The following NTRK3 variants were observed in gnomAD, a reference collection of about 807,000 sequenced individuals.
NTRK3 encodes the protein neurotrophic receptor tyrosine kinase 3, also known as NT-3 growth factor receptor.
A neutral mutation model predicts 91.7 loss-of-function variants in NTRK3; 24 were observed. The ratio of observed to expected loss-of-function variants is 0.26; its 90% CI spans 0.19 to 0.37. The LOEUF (loss-of-function observed/expected upper bound fraction) is 0.37. NTRK3 is among the 10% of genes least tolerant of loss of function. The pLI is 1.00. For synonymous variants in NTRK3, 483 were observed against 404.0 expected (o/e 1.20, Z -2.34); for missense variants, 880 against 1,068.9 (o/e 0.82, Z 2.46).
chr15:87,871,993 T>C (rs1170122622), exon 19 of NTRK3: 1 of 221,122 alleles, frequency 4.5e-6, no homozygotes, highest in Non-Finnish European at 9.1e-6. Flanking sequence ...TTATTTGGTA[T>C]GAAAAAAGAA....
chr15:88,128,162 C>T (rs566320392), intron 11 of NTRK3, among the ~76,000 whole-genome samples: 1 of 152,290 alleles, frequency 6.6e-6, no homozygotes, highest in South Asian at 2.1e-4. Context: ...AGTCCATAAA[C>T]AAAACCCCAA....
intron 14 of NTRK3, among the ~76,000 whole-genome samples, chr15:88,030,079 G>A (rs145939652): frequency 6.6e-6 from 1 of 152,280 alleles, no homozygotes; most frequent in East Asian, 1.9e-4. Flanking sequence ...CTTTAAAAGG[G>A]CTACTTTCCC....
intron 13 of NTRK3, among the ~76,000 whole-genome samples, chr15:88,081,191 C>T (rs2048010795): frequency 6.6e-6 from 1 of 152,088 alleles, no homozygotes; most frequent in African/African-American, 2.4e-5. Flanking sequence ...AGATTGAGGC[C>T]TCCATATATG....
intron 5 of NTRK3, among the ~76,000 whole-genome samples, chr15:88,173,931 G>C (rs996241639): frequency 2.6e-5 from 4 of 152,134 alleles, no homozygotes; most frequent in South Asian, 2.1e-4. Flanking sequence ...CTGTAAAATG[G>C]GGACAACAAT....
chr15:87,891,643 G>A (rs900000822), intron 17 of NTRK3, among the ~76,000 whole-genome samples: 2 of 152,002 alleles, frequency 1.3e-5, no homozygotes, highest in Admixed American at 1.3e-4. Flanking sequence ...TTCTGTTCTT[G>A]GGTTTTTTCA....
At chr15:88,163,891 A>G (rs2044692267) in intron 5 of NTRK3, among the ~76,000 whole-genome samples, 1 of 152,180 alleles carries the variant, frequency 6.6e-6, no homozygotes, top group Non-Finnish European at 1.5e-5. Flanking sequence ...AGATCCTACT[A>G]TATGCCGTGC....
At chr15:88,021,364 C>T (rs1175976808) in intron 14 of NTRK3, among the ~76,000 whole-genome samples, 1 of 152,196 alleles carries the variant, frequency 6.6e-6, no homozygotes, top group African/African-American at 2.4e-5. Flanking sequence ...CCCCCAAACC[C>T]CAGAACAGCC....
intron 13 of NTRK3, among the ~76,000 whole-genome samples, chr15:88,059,717 G>T (rs917239478): frequency 2.2e-4 from 33 of 152,128 alleles, no homozygotes; most frequent in African/African-American, 7.7e-4. Flanking sequence ...GGTGTTACAA[G>T]CTAAATTGTG....
chr15:87,937,095 T>A (rs1413678890), intron 15 of NTRK3, among the ~76,000 whole-genome samples: 1 of 152,210 alleles, frequency 6.6e-6, no homozygotes, highest in East Asian at 1.9e-4. Context: ...CTGAGCTGTG[T>A]CTACATGACA....
At chr15:87,901,724 T>C (rs1244471543) in intron 17 of NTRK3, among the ~76,000 whole-genome samples, 7 of 148,630 alleles carry the variant, frequency 4.7e-5, no homozygotes, top group African/African-American at 1.8e-4. Context: ...ATCGACAGCA[T>C]TGTATTGAGA....
chr15:88,172,055 C>T (rs1035315982), intron 5 of NTRK3, among the ~76,000 whole-genome samples: 1 of 152,232 alleles, frequency 6.6e-6, no homozygotes, highest in African/African-American at 2.4e-5. Flanking sequence ...ATGACTTACT[C>T]CATCTGGGAG....
At chr15:88,249,635 C>T (rs2053167090) in intron 3 of NTRK3, among the ~76,000 whole-genome samples, 2 of 152,072 alleles carry the variant, frequency 1.3e-5, no homozygotes, top group African/African-American at 2.4e-5. Context: ...TTAGAGGCGG[C>T]GGAAATGGGA....
chr15:88,221,592 AC>A (rs2050240606), intron 3 of NTRK3, among the ~76,000 whole-genome samples: 1 of 152,194 alleles, frequency 6.6e-6, no homozygotes, highest in Non-Finnish European at 1.5e-5. Flanking sequence ...GGAGTTTGAG[AC>A]CAGCCTGGGC....
chr15:87,876,825 A>T, exon 19 of NTRK3: 1 of 1,265,086 alleles, frequency 7.9e-7, no homozygotes, highest in Non-Finnish European at 1.1e-6. Context: ...TTGAGTTTAT[A>T]TGAAGATGTT....
chr15:88,099,829 G>A (rs1487555782), intron 13 of NTRK3, among the ~76,000 whole-genome samples: 2 of 152,146 alleles, frequency 1.3e-5, no homozygotes, highest in Admixed American at 1.3e-4. Flanking sequence ...TGAACGCTAT[G>A]GTGGGGCGGT....
intron 10 of NTRK3, among the ~76,000 whole-genome samples, chr15:88,133,615 T>A (rs1027584886): frequency 2.6e-5 from 4 of 152,242 alleles, no homozygotes; most frequent in Non-Finnish European, 4.4e-5. Flanking sequence ...CAGTCTTTTA[T>A]GTCAACAAGA....
intron 13 of NTRK3, among the ~76,000 whole-genome samples, chr15:88,110,894 C>T (rs751157089): frequency 1.2e-4 from 18 of 152,050 alleles, no homozygotes; most frequent in Non-Finnish European, 2.4e-4. Flanking sequence ...ACTGAAGGGG[C>T]CAGGTCCAGA....
intron 17 of NTRK3, among the ~76,000 whole-genome samples, chr15:87,926,499 G>T (rs1377486321): frequency 6.6e-6 from 1 of 152,038 alleles, no homozygotes; most frequent in Non-Finnish European, 1.5e-5. Flanking sequence ...AGGAATTGAG[G>T]TTACCTGTAG....
chr15:88,157,582 G>A (rs536431325), intron 5 of NTRK3, among the ~76,000 whole-genome samples: 5 of 152,082 alleles, frequency 3.3e-5, no homozygotes, highest in East Asian at 1.9e-4. Context: ...TGCTTTTCTC[G>A]GTGTCAGCAC....
Sources: allele counts gnomAD v4.1 joint callset (sites outside exome capture counted in the v4.1 genomes callset), GRCh38; gene constraint gnomAD v4.1.1; transcripts MANE v1.5; gene names NCBI Gene and HGNC (gene_info 2026-07-23, HGNC 2026-07-21).